The following PRKCB variants were observed in gnomAD, a reference collection of about 807,000 sequenced individuals.
The protein encoded by PRKCB is protein kinase C beta type.
PRKCB carries 13 observed loss-of-function variants against 81.5 expected under a neutral mutation model. The observed-to-expected ratio is 0.16, with a 90% confidence interval of 0.10 to 0.25. PRKCB has a LOEUF of 0.25. Ranked by LOEUF, PRKCB falls within the 10% of genes least tolerant of loss-of-function variation. The probability of loss-of-function intolerance (pLI) is 1.00; values close to 1 mark genes in which losing one functional copy is unlikely to be tolerated. For missense variants in PRKCB, 509 were observed against 875.7 expected (o/e 0.58, Z 5.29); for synonymous variants, 335 against 321.4 (o/e 1.04, Z -0.45).
At chr16:23,912,327 A>T (rs374036040) in intron 2 of PRKCB, among the ~76,000 whole-genome samples, 1 of 151,858 alleles carries the variant, frequency 6.6e-6, no homozygotes, top group South Asian at 2.1e-4. Flanking sequence ...TGTTCCTCTC[A>T]TAGTGCAGCC....
chr16:23,840,353 C>A (rs1308162460), intron 2 of PRKCB, among the ~76,000 whole-genome samples: 2 of 152,066 alleles, frequency 1.3e-5, no homozygotes, highest in African/African-American at 4.8e-5. Flanking sequence ...TGGGGAGTGA[C>A]AATTATCTCA....
chr16:24,042,616 A>C (rs1053408214), intron 5 of PRKCB, among the ~76,000 whole-genome samples: 6 of 152,024 alleles, frequency 3.9e-5, no homozygotes, highest in Non-Finnish European at 5.9e-5. Flanking sequence ...TAAACTGCAG[A>C]CACCAATTCG....
chr16:24,085,686 T>C (rs1383867995), intron 5 of PRKCB, among the ~76,000 whole-genome samples: 2 of 152,130 alleles, frequency 1.3e-5, no homozygotes, highest in African/African-American at 4.8e-5. Context: ...AGACAAAGGC[T>C]CAGAGAAGCC....
chr16:23,981,828 C>T (rs1339049597), intron 2 of PRKCB, among the ~76,000 whole-genome samples: 4 of 4,960 alleles, frequency 8.1e-4, no homozygotes, highest in East Asian at 6.5e-3. Context: ...TCCCCTTCCC[C>T]TTCCCTTCCC....
At chr16:24,070,991 A>G (rs1025475764) in intron 5 of PRKCB, among the ~76,000 whole-genome samples, 1 of 152,190 alleles carries the variant, frequency 6.6e-6, no homozygotes, top group Non-Finnish European at 1.5e-5. Flanking sequence ...AACTAGAAGG[A>G]TGAATGAGCT....
chr16:23,905,781 A>T (rs1963550002), intron 2 of PRKCB, among the ~76,000 whole-genome samples: 1 of 151,958 alleles, frequency 6.6e-6, no homozygotes, highest in African/African-American at 2.4e-5. Context: ...TGAGTGATTG[A>T]CTCTGTACCC....
intron 15 of PRKCB, among the ~76,000 whole-genome samples, chr16:24,187,529 T>A (rs198142): frequency 0.061 from 9,318 of 152,296 alleles, 273 homozygotes; most frequent in Middle Eastern, 0.085. Flanking sequence ...TATTGTGTTA[T>A]CTGCCAGGTT....
chr16:24,128,690 G>A (rs1966848744), intron 9 of PRKCB, among the ~76,000 whole-genome samples: 3 of 152,260 alleles, frequency 2.0e-5, no homozygotes, highest in South Asian at 2.1e-4. Flanking sequence ...TGTCATTCAC[G>A]TTTAAAAATT....
intron 2 of PRKCB, chr16:23,893,901 A>G (rs544188199): frequency 6.6e-6 from 1 of 152,252 alleles, no homozygotes; most frequent in African/African-American, 2.4e-5. Context: ...GAATACTCCT[A>G]AGGATAAGTT....
intron 2 of PRKCB, among the ~76,000 whole-genome samples, chr16:23,984,432 C>G (rs1964775688): frequency 1.3e-5 from 2 of 152,008 alleles, no homozygotes; most frequent in Admixed American, 1.3e-4. Flanking sequence ...CATTCCCAAC[C>G]AATAAGTAAT....
rs970678918 is a variant in PRKCB, at chr16:24,021,311, C to T, written c.289-10825C>T. Among the ~76,000 whole-genome samples, 22 of 26,052 alleles carry T rather than the reference C, an allele frequency of 8.4e-4. 2 individuals are homozygous for T. Among genetic ancestry groups the T allele is most frequent in the Non-Finnish European group, 1.3e-3 (19 of 14,738 alleles). 17.1% of individuals were successfully genotyped at this position (26,052 alleles called of 152,430 possible). Reference sequence around the variant, plus strand: ...TCTCCCTCCCTTCCTTCCTTCCTTCCTTCCTTCCTTCCTTCCTTCCTTCCT... The same window carrying T: ...TCTCCCTCCCTTCCTTCCTTCCTTCTTTCCTTCCTTCCTTCCTTCCTTCCT... On this transcript the variant is annotated intron_variant, in intron 3 of 16. Coordinates refer to ENST00000643927, the MANE Select transcript of PRKCB (RefSeq NM_002738.7).
intron 2 of PRKCB, among the ~76,000 whole-genome samples, chr16:23,848,158 T>A (rs1962410732): frequency 1.3e-5 from 2 of 152,130 alleles, no homozygotes; most frequent in Non-Finnish European, 2.9e-5. Flanking sequence ...GAACGTCATA[T>A]CAGAGGGGTT....
intron 15 of PRKCB, 22 bp downstream of exon 15, chr16:24,185,589 G>C: frequency 6.3e-7 from 1 of 1,590,448 alleles, no homozygotes; most frequent in Non-Finnish European, 8.6e-7. Flanking sequence ...TCTTAAAGCT[G>C]TGACCAGGAC....
intron 2 of PRKCB, among the ~76,000 whole-genome samples, chr16:23,957,368 T>G (rs1325039559): frequency 6.6e-6 from 1 of 152,220 alleles, no homozygotes; most frequent in East Asian, 1.9e-4. Context: ...ATAAACCTTG[T>G]AAGCCCTGGA....
At chr16:24,211,868 A>T (rs1221151503) in intron 16 of PRKCB, among the ~76,000 whole-genome samples, 1 of 152,102 alleles carries the variant, frequency 6.6e-6, no homozygotes, top group East Asian at 1.9e-4. Context: ...CCCCAGACTC[A>T]CTTTTACTCA....
At chr16:24,182,981 C>T (rs572591417) in intron 13 of PRKCB, among the ~76,000 whole-genome samples, 7 of 151,742 alleles carry the variant, frequency 4.6e-5, no homozygotes, top group East Asian at 3.9e-4. Context: ...CTCAGCCTCC[C>T]GAGTAGCTGG....
In PRKCB at chr16:24,168,541, C is replaced by CTTTTTTTTTTTTTTTTTTT. The variant is rs56671761; in HGVS notation, c.1240-3718_1240-3700dup. ...TTCATTATTTTTCTTTCTTCTTCTA[C>CTTTTTTTTTTTTTTTTTTT]TTTTTTTTTTTTTTTTTTTTTTTTT... is the stretch of plus-strand genomic sequence containing the variant. On this transcript the variant is annotated intron_variant, in intron 10 of 16. Transcript: ENST00000643927. Among the ~76,000 whole-genome samples the CTTTTTTTTTTTTTTTTTTT allele has an allele frequency of 2.1e-4, 16 of 76,320 alleles. 2 individuals are homozygous for CTTTTTTTTTTTTTTTTTTT. Among genetic ancestry groups the CTTTTTTTTTTTTTTTTTTT allele is most frequent in the South Asian group, 1.1e-3 (2 of 1,832 alleles). 50.1% of individuals were successfully genotyped at this position (76,320 alleles called of 152,430 possible). A position where few individuals can be genotyped will look rare whatever the true frequency, so the allele number is the denominator to read the frequency against.
rs933846417 is a variant in PRKCB at position 23,858,599 on chromosome 16, C to G, written c.205+21193C>G. ...CATGTGTAGATTTTTTTAGCCATAG[C>G]CTTGAATAAGGAATTCAGAAAGTGG... On this transcript the variant is annotated intron_variant, in intron 2 of 16. Coordinates refer to ENST00000643927, the MANE Select transcript of PRKCB (RefSeq NM_002738.7). Among the ~76,000 whole-genome samples the G allele has an allele frequency of 2.6e-5, 4 of 151,116 alleles. No homozygotes were observed. In the East Asian group the frequency reaches 7.8e-4, roughly 29 times the overall value.
At chr16:23,867,066 TTCTTTCTTTCTCTTTCTTTCTTTC>T (rs1567295233) in intron 2 of PRKCB, among the ~76,000 whole-genome samples, 16 of 111,844 alleles carry the variant, frequency 1.4e-4, no homozygotes, top group Admixed American at 2.8e-4. Context: ...CTCTCTCTCT[TTCTTTCTTTCTCTTTCTTTCTTTC>T]TCTTTCTTTC....
Sources: allele counts gnomAD v4.1 joint callset (sites outside exome capture counted in the v4.1 genomes callset), GRCh38; gene constraint gnomAD v4.1.1; transcripts MANE v1.5; gene names NCBI Gene and HGNC (gene_info 2026-07-23, HGNC 2026-07-21).